The following COX7B2 variants were observed in gnomAD, a reference collection of about 807,000 sequenced individuals.
The protein encoded by COX7B2 is cytochrome c oxidase subunit 7B2, mitochondrial.
For missense variants in COX7B2, 109 were observed against 95.9 expected, an observed-to-expected ratio of 1.14 and a Z score of -0.57; for synonymous variants, 37 against 32.1, an observed-to-expected ratio of 1.15 and a Z score of -0.51.
chr4:46,766,710 A>AG (rs1716563194), intron 2 of COX7B2, among the ~76,000 whole-genome samples: 1 of 151,202 alleles, frequency 6.6e-6, no homozygotes, highest in South Asian at 2.1e-4. Context: ...CGAAAAGAAA[A>AG]AAAAAAAAAA....
chr4:46,811,789 A>AG (rs1719298445), intron 2 of COX7B2, among the ~76,000 whole-genome samples: 1 of 152,144 alleles, frequency 6.6e-6, no homozygotes, highest in African/African-American at 2.4e-5. Context: ...CAGCTTTCAT[A>AG]GGGGGAGACT....
At chr4:46,861,523 G>T (rs1445605783) in intron 1 of COX7B2, among the ~76,000 whole-genome samples, 1 of 151,944 alleles carries the variant, frequency 6.6e-6, no homozygotes, top group East Asian at 1.9e-4. Context: ...CAAATTAGAA[G>T]GCTTAAAAAA....
At chr4:46,896,220 C>T (rs1278559641) in intron 1 of COX7B2, among the ~76,000 whole-genome samples, 1 of 152,152 alleles carries the variant, frequency 6.6e-6, no homozygotes, top group African/African-American at 2.4e-5. Context: ...TATGGTTTCA[C>T]AACTGGCATG....
At chr4:46,744,203 T>G (rs6835325) in intron 2 of COX7B2, among the ~76,000 whole-genome samples, 52,953 of 151,264 alleles carry the variant, frequency 0.35, 9,521 homozygotes, top group South Asian at 0.47. Context: ...CCGAGAAGGA[T>G]CCCCAGGCGT....
At chr4:46,837,287 AC>A (rs1191393807) in intron 2 of COX7B2, among the ~76,000 whole-genome samples, 1 of 149,584 alleles carries the variant, frequency 6.7e-6, no homozygotes, top group Non-Finnish European at 1.5e-5. Context: ...ACACACACAC[AC>A]ACACACACAC....
chr4:46,898,549 C>G (rs1178010728), intron 1 of COX7B2, among the ~76,000 whole-genome samples: 1 of 152,084 alleles, frequency 6.6e-6, no homozygotes, highest in Non-Finnish European at 1.5e-5. Flanking sequence ...TCCCAAGAAG[C>G]TGGGACTACA....
At chr4:46,844,537 T>C (rs911652596) in intron 2 of COX7B2, among the ~76,000 whole-genome samples, 2 of 151,952 alleles carry the variant, frequency 1.3e-5, no homozygotes, top group African/African-American at 4.8e-5. Context: ...ACTGAAATGA[T>C]GGATGGCATA....
At chr4:46,835,443 A>AAC (rs372978678) in intron 2 of COX7B2, among the ~76,000 whole-genome samples, 1 of 151,900 alleles carries the variant, frequency 6.6e-6, no homozygotes, top group Non-Finnish European at 1.5e-5. Flanking sequence ...CCCCCTCAAA[A>AAC]ACACACACAC....
intron 2 of COX7B2, among the ~76,000 whole-genome samples, chr4:46,800,578 G>T (rs1417250543): frequency 6.6e-6 from 1 of 152,018 alleles, no homozygotes; most frequent in East Asian, 1.9e-4. Flanking sequence ...TGGACTCCTT[G>T]TTTACACCAT....
At chr4:46,817,779 C>A (rs922029062) in intron 2 of COX7B2, among the ~76,000 whole-genome samples, 1 of 152,124 alleles carries the variant, frequency 6.6e-6, no homozygotes, top group African/African-American at 2.4e-5. Flanking sequence ...GAAAGAAGGG[C>A]AGGTTCCCTA....
At chr4:46,763,141 TTA>T (rs1491542705) in intron 2 of COX7B2, among the ~76,000 whole-genome samples, 5 of 94,330 alleles carry the variant, frequency 5.3e-5, no homozygotes, top group Non-Finnish European at 1.0e-4. Flanking sequence ...AATTGTATAA[TTA>T]TATATTATAA....
At chr4:46,770,481 A>C (rs1465555778) in intron 2 of COX7B2, among the ~76,000 whole-genome samples, 19 of 152,190 alleles carry the variant, frequency 1.2e-4, no homozygotes, top group Admixed American at 1.2e-3. Flanking sequence ...CATAAAAATA[A>C]AAATAAATCC....
chr4:46,890,675 G>A (rs1016197556), intron 1 of COX7B2, among the ~76,000 whole-genome samples: 1 of 152,182 alleles, frequency 6.6e-6, no homozygotes, highest in African/African-American at 2.4e-5. Flanking sequence ...TGAACATTTG[G>A]ATAAAGAGCA....
At chr4:46,796,463 G>T (rs1718353396) in intron 2 of COX7B2, among the ~76,000 whole-genome samples, 1 of 130,082 alleles carries the variant, frequency 7.7e-6, no homozygotes, top group Non-Finnish European at 1.6e-5. Context: ...AGAGGATGCG[G>T]AGAAATAGGA....
At chr4:46,735,371 T>C (rs1310866279) in intron 2 of COX7B2, 130 bp from the exon 3 acceptor site, 7 of 663,156 alleles carry the variant, frequency 1.1e-5, no homozygotes, top group Non-Finnish European at 1.8e-5. Flanking sequence ...ATATCTGAAT[T>C]TGAATCCCAG....
intron 1 of COX7B2, among the ~76,000 whole-genome samples, chr4:46,888,602 C>T (rs1267357437): frequency 6.6e-6 from 1 of 151,872 alleles, no homozygotes; most frequent in Non-Finnish European, 1.5e-5. Flanking sequence ...CACCACCATG[C>T]CTGGCTAATT....
chr4:46,829,486 TTAGTAA>T (rs1191804661), intron 2 of COX7B2, among the ~76,000 whole-genome samples: 2 of 152,174 alleles, frequency 1.3e-5, no homozygotes, highest in Non-Finnish European at 2.9e-5. Flanking sequence ...AAACATTCAA[TTAGTAA>T]TAGTTTTCTT....
At chr4:46,889,116 C>A (rs926720152) in intron 1 of COX7B2, among the ~76,000 whole-genome samples, 1 of 151,916 alleles carries the variant, frequency 6.6e-6, no homozygotes, top group African/African-American at 2.4e-5. Flanking sequence ...ATTATGTGTC[C>A]GCAAATTTAA....
chr4:46,776,424 CTGTG>C (rs888897925), intron 2 of COX7B2, among the ~76,000 whole-genome samples: 4 of 138,682 alleles, frequency 2.9e-5, no homozygotes, highest in African/African-American at 1.1e-4. Context: ...GTGTGTGTGT[CTGTG>C]TGTCTGTGTG....
Sources: allele counts gnomAD v4.1 joint callset (sites outside exome capture counted in the v4.1 genomes callset), GRCh38; gene constraint gnomAD v4.1.1; transcripts MANE v1.5; gene names NCBI Gene and HGNC (gene_info 2026-07-23, HGNC 2026-07-21).